The following NR2F1 variants were observed in gnomAD, a reference collection of about 807,000 sequenced individuals.
NR2F1 encodes nuclear receptor subfamily 2 group F member 1, also known as COUP transcription factor 1.
NR2F1 carries 1 observed loss-of-function variant against 37.7 expected under a neutral mutation model. The ratio of observed to expected loss-of-function variants is 0.03; its 90% CI spans 0.01 to 0.13. NR2F1 has a LOEUF of 0.13. NR2F1 is among the 10% of genes least tolerant of loss of function. NR2F1 has a pLI of 1.00. For missense variants in NR2F1, 268 were observed against 578.4 expected (o/e 0.46, Z 5.50); for synonymous variants, 275 against 259.6 (o/e 1.06, Z -0.57).
chr5:93,589,424 G>A (rs1753294152), intron 2 of NR2F1, among the ~76,000 whole-genome samples: 1 of 152,222 alleles, frequency 6.6e-6, no homozygotes, highest in Non-Finnish European at 1.5e-5. Context: ...ACCCAGGACA[G>A]CAGGTAATGG....
chr5:93,585,394 C>T lies in NR2F1; in HGVS notation c.371C>T (p.Ala124Val), dbSNP rs1489168410. ...VRRNLTYTCRANRNCPIDQHH... is the reference protein window; with the variant it reads ...VRRNLTYTCRVNRNCPIDQHH... Reference sequence around the variant, plus strand: ...AGGAACTTAACTTACACATGCCGTGCCAACAGGAACTGTCCCATCGACCAG... The same window carrying T: ...AGGAACTTAACTTACACATGCCGTGTCAACAGGAACTGTCCCATCGACCAG... The change falls in exon 1 of 3, where the codon GCC (alanine) becomes GTC (valine). Residue 124 changes from alanine (A) to valine (V), a missense_variant. This residue lies in a region of NR2F1 where 16 missense variants were observed against 113.0 expected (regional missense o/e 0.14). Coordinates refer to ENST00000327111, the MANE Select transcript of NR2F1 (RefSeq NM_005654.6). 1 of 1,614,092 alleles carries T rather than the reference C, an allele frequency of 6.2e-7. No homozygotes were observed. The highest frequency in any genetic ancestry group is 1.1e-5 in the South Asian group (1 of 91,086).
chr5:93,585,678 C>G, intron 1 of NR2F1, 192 bp downstream of exon 1: 1 of 583,724 alleles, frequency 1.7e-6, no homozygotes, highest in Non-Finnish European at 3.0e-6. Context: ...GCCGCTGCCT[C>G]CCCCTCCCGG....
At chr5:93,592,067 C>T (rs1235736054) in intron 2 of NR2F1, 1 of 152,192 alleles carries the variant, frequency 6.6e-6, no homozygotes, top group Non-Finnish European at 1.5e-5. Flanking sequence ...TGAATTATCA[C>T]TAGTTTTATT....
In NR2F1 at chr5:93,594,116, G is replaced by A. The variant is rs1753383336; in HGVS notation, c.*274G>A. The A allele has an allele frequency of 2.5e-6, 1 of 395,860 alleles. No individual in the cohort carries two copies. Among genetic ancestry groups the A allele is most frequent in the Non-Finnish European group, 4.5e-6 (1 of 222,210 alleles). The allele number at this position is 395,860 out of a possible 1,614,324, so 24.5% of individuals were successfully genotyped here. ...AAAAAGAACCTTGTGTCTGTCTGGT[G>A]AAAAAAAGAAAAACAAATTGGAAGA... On this transcript the variant is annotated 3_prime_UTR_variant, in exon 3 of 3. Coordinates refer to ENST00000327111, the MANE Select transcript of NR2F1 (RefSeq NM_005654.6).
Position 93,594,528 on chromosome 5 carries a change from A to G in NR2F1, c.*686A>G, listed in dbSNP as rs1282899729. 6.6e-6 allele frequency: 1 copy of G among 152,108 alleles called. No individual in the cohort carries two copies. Among genetic ancestry groups the G allele is most frequent in the Non-Finnish European group, 1.5e-5 (1 of 68,032 alleles). 9.4% of individuals were successfully genotyped at this position (152,108 alleles called of 1,614,324 possible). The stretch of plus-strand genomic sequence containing the variant: ...ATATAACCCTTTGCTTCTTATAATG[A>G]GTGCGATATATGTTGTCGAGGCTGT... On this transcript the variant is annotated 3_prime_UTR_variant, in exon 3 of 3. Transcript: ENST00000327111.
Position 93,585,233 on chromosome 5 carries a change from G to A in NR2F1, c.210G>A (p.Lys70=). The change falls in exon 1 of 3, where the codon AAG becomes AAA. Residue 70 remains lysine, a synonymous_variant. Coordinates refer to ENST00000327111, the MANE Select transcript of NR2F1 (RefSeq NM_005654.6). ...CCACCCCCGGCACGGCGGGGGACAA[G>A]GGCCAGGGCCCGCCCGGTTCGGGCC... ...APATPGTAGD[K]GQGPPGSGQS... is the part of the protein sequence containing the mutation. 5 of 1,554,388 alleles carry A rather than the reference G, an allele frequency of 3.2e-6. No individual in the cohort carries two copies. The highest frequency in any genetic ancestry group is 4.3e-6 in the Non-Finnish European group (5 of 1,149,818).
At position 93,593,962 on chromosome 5, in the gene NR2F1, G is replaced by GGGAGGAGGGCCGAGACA. The variant is rs760002109; in HGVS notation, c.*125_*141dup. 8.3e-6 allele frequency: 8 copies of GGGAGGAGGGCCGAGACA among 959,312 alleles called. No individual in the cohort carries two copies. The highest frequency in any genetic ancestry group is 1.2e-5 in the Non-Finnish European group (8 of 642,366). The allele number at this position is 959,312 out of a possible 1,614,324, so 59.4% of individuals were successfully genotyped here. A position where few individuals can be genotyped will look rare whatever the true frequency, so the allele number is the denominator to read the frequency against. On this transcript the variant is annotated 3_prime_UTR_variant, in exon 3 of 3. Coordinates refer to ENST00000327111, the MANE Select transcript of NR2F1 (RefSeq NM_005654.6). This position sits in a 1 kb window ranked among gnomAD's most constrained non-coding sequence, Gnocchi z 5.6. ...AGCGGGCCAGGCAGGCTGGGTGGGAGGGAGGAGGGCCGAGACAGGAGCAGC... is the reference window on the plus strand; with the variant it reads ...AGCGGGCCAGGCAGGCTGGGTGGGAGGGAGGAGGGCCGAGACAGGAGGAGGGCCGAGACAGGAGCAGC...
chr5:93,584,609 C>A lies in NR2F1; in HGVS notation c.-415C>A, dbSNP rs1360826505. The A allele has an allele frequency of 1.5e-5, 2 of 136,766 alleles. No homozygotes were observed. The highest frequency in any genetic ancestry group is 3.1e-5 in the Non-Finnish European group (2 of 63,756). The allele number at this position is 136,766 out of a possible 1,614,324, so 8.5% of individuals were successfully genotyped here. ...AGAAGAAAAAAGCGAGAGAAGGGAGCTTGCTCGCCGGGGGGTGGGGAGGGG... is the reference window on the plus strand; with the variant it reads ...AGAAGAAAAAAGCGAGAGAAGGGAGATTGCTCGCCGGGGGGTGGGGAGGGG... On this transcript the variant is annotated 5_prime_UTR_variant, in exon 1 of 3. Transcript: ENST00000327111.
Position 93,588,277 on chromosome 5 carries a change from C to G in NR2F1, c.824C>G (p.Pro275Arg). 1 of 1,613,154 alleles carries G rather than the reference C, an allele frequency of 6.2e-7. No individual in the cohort carries two copies. The highest frequency in any genetic ancestry group is 8.5e-7 in the Non-Finnish European group (1 of 1,179,794). The change falls in exon 2 of 3, where the codon CCG becomes CGG. Residue 275 changes from proline (P) to arginine (R), a missense_variant. By Grantham distance (103) the Pro-to-Arg change is moderately radical (BLOSUM62 -2). Around this residue, in one of 5 missense-constraint regions of NR2F1, gnomAD observed 21 missense variants for 94.5 expected, o/e 0.22. Coordinates refer to ENST00000327111, the MANE Select transcript of NR2F1 (RefSeq NM_005654.6). ...TGCTCTATGCCGCTGCACGTGGCGCCGTTGCTGGCCGCCGCCGGCCTGCAT... is the reference window on the plus strand; with the variant it reads ...TGCTCTATGCCGCTGCACGTGGCGCGGTTGCTGGCCGCCGCCGGCCTGCAT... ...AQCSMPLHVA[P>R]LLAAAGLHAS...
At chr5:93,592,673 T>G (rs999087739) in intron 2 of NR2F1, among the ~76,000 whole-genome samples, 2 of 28,898 alleles carry the variant, frequency 6.9e-5, no homozygotes, top group Non-Finnish European at 1.3e-4. Context: ...ACCACCCACA[T>G]CCCCCCCTAC....
chr5:93,593,578 G>C lies in NR2F1; in HGVS notation c.1008G>C (p.Ser336=). The change falls in exon 3 of 3, where the codon TCG becomes TCC. Residue 336 remains serine (S), a synonymous_variant. Transcript: ENST00000327111. The surrounding 1 kb of genome is among the most constrained non-coding windows in gnomAD (Gnocchi z 5.6). ...VLFTSDACGL[S]DAAHIESLQE... is the part of the protein sequence containing the mutation. Reference sequence around the variant, plus strand: ...CTTGGGCAGACGCCTGTGGCCTGTCGGATGCGGCCCACATCGAGAGCCTGC... The same window carrying C: ...CTTGGGCAGACGCCTGTGGCCTGTCCGATGCGGCCCACATCGAGAGCCTGC... 1.2e-6 allele frequency: 2 copies of C among 1,613,494 alleles called. No homozygotes were observed. Among genetic ancestry groups the C allele is most frequent in the Non-Finnish European group, 1.7e-6 (2 of 1,179,786 alleles).
At chr5:93,587,689 A>G in intron 1 of NR2F1, 1 of 538,618 alleles carries the variant, frequency 1.9e-6, no homozygotes, top group Non-Finnish European at 3.2e-6. Flanking sequence ...GGCGGGGCTG[A>G]CGTGGCCAGG....
In NR2F1 at chr5:93,588,048, C is replaced by G; in HGVS notation, c.595C>G (p.Pro199Ala). 6.2e-7 allele frequency: 1 copy of G among 1,614,110 alleles called. No homozygotes were observed. The highest frequency in any genetic ancestry group is 8.5e-7 in the Non-Finnish European group (1 of 1,180,016). ...GCTGCTGCTGCGCGCCGAGCCCTAC[C>G]CCACGTCGCGCTACGGCAGCCAGTG... The part of the protein sequence containing the change: ...ISLLLRAEPY[P>A]TSRYGSQCMQ... Residue 199 changes from proline to alanine, a missense_variant, in exon 2 of 3, where the codon CCC becomes GCC. By Grantham distance (27) the Pro-to-Ala change is conservative (BLOSUM62 -1). Around this residue, in one of 5 missense-constraint regions of NR2F1, gnomAD observed 42 missense variants for 72.5 expected, o/e 0.58. Transcript: ENST00000327111.
chr5:93,588,365 G>A lies in NR2F1; in HGVS notation c.912G>A (p.Glu304=), dbSNP rs1276954421. 3 of 1,612,966 alleles carry A rather than the reference G, an allele frequency of 1.9e-6. No homozygotes were observed. Among genetic ancestry groups the A allele is most frequent in the African/African-American group, 1.3e-5 (1 of 74,938 alleles). Residue 304 remains glutamate (E), a synonymous_variant, in exon 2 of 3, where the codon GAG becomes GAA. Coordinates refer to ENST00000327111, the MANE Select transcript of NR2F1 (RefSeq NM_005654.6). The part of the protein sequence containing the change: ...AFMDHIRIFQ[E]QVEKLKALHV... ...TGGACCACATCCGCATCTTCCAGGA[G>A]CAGGTGGAGAAGCTCAAGGCGCTAC...
At chr5:93,592,249 A>G (rs1002635881) in intron 2 of NR2F1, 5 of 152,162 alleles carry the variant, frequency 3.3e-5, no homozygotes, top group African/African-American at 4.8e-5. Flanking sequence ...AAAATTATAC[A>G]ATGTCATTTT....
chr5:93,584,341 G>A lies in NR2F1; in HGVS notation c.-683G>A, dbSNP rs1753185525. 11 of 149,560 alleles carry A rather than the reference G, an allele frequency of 7.4e-5. No homozygotes were observed. In the South Asian group the frequency reaches 2.0e-3, roughly 27 times the overall value. The allele number at this position is 149,560 out of a possible 1,614,324, so 9.3% of individuals were successfully genotyped here. On this transcript the variant is annotated 5_prime_UTR_variant, in exon 1 of 3. Transcript: ENST00000327111. ...CTCCTCCGCCGCCGCCGCCGCCTCC[G>A]CCCTCGCCGGCTTCCTCTATGTCGG...
chr5:93,585,727 G>C (rs1256452530), intron 1 of NR2F1: 8 of 534,920 alleles, frequency 1.5e-5, no homozygotes, highest in Non-Finnish European at 2.7e-5. Context: ...CCCGCCCGCT[G>C]CCTGCTCAGG....
chr5:93,591,282 A>C (rs1232759699), intron 2 of NR2F1, among the ~76,000 whole-genome samples: 4 of 152,228 alleles, frequency 2.6e-5, no homozygotes, highest in African/African-American at 9.6e-5. Flanking sequence ...TGGAGCATAA[A>C]TATATACTGT....
At chr5:93,590,386 G>A (rs1432474840) in intron 2 of NR2F1, among the ~76,000 whole-genome samples, 1 of 152,100 alleles carries the variant, frequency 6.6e-6, no homozygotes, top group Non-Finnish European at 1.5e-5. Flanking sequence ...CAGGCTGCAG[G>A]GAAACACTGT....
Sources: gnomAD v4.1 joint callset for allele counts (sites outside exome capture counted in the v4.1 genomes callset) on GRCh38, gnomAD v4.1.1 for gene constraint, gnomAD v4.1.1 regional missense constraint, Gnocchi (gnomAD v3.1) non-coding constraint, MANE v1.5 for transcripts, NCBI Gene and HGNC (gene_info 2026-07-23, HGNC 2026-07-21) for gene names.